The following RAP1A variants were observed in gnomAD, a reference collection of about 807,000 sequenced individuals.
RAP1A encodes RAP1A, member of RAS oncogene family.
RAP1A carries 6 observed loss-of-function variants against 26.4 expected under a neutral mutation model. The ratio of observed to expected loss-of-function variants is 0.23; its 90% CI spans 0.12 to 0.45. RAP1A has a LOEUF of 0.45. Among genes scored for constraint, RAP1A ranks in the 20% least tolerant of loss-of-function variants. The pLI, the probability that RAP1A is intolerant of heterozygous loss-of-function variation, is 0.99. For missense variants in RAP1A, 121 were observed against 217.2 expected, an observed-to-expected ratio of 0.56 and a Z score of 2.78; for synonymous variants, 73 against 79.4, an observed-to-expected ratio of 0.92 and a Z score of 0.43.
At chr1:111,623,375 A>G (rs1659282891) in intron 1 of RAP1A, among the ~76,000 whole-genome samples, 1 of 151,790 alleles carries the variant, frequency 6.6e-6, no homozygotes, top group South Asian at 2.1e-4. Flanking sequence ...TCTGTTTTGT[A>G]TGATGCTTTT....
At chr1:111,624,763 T>C (rs896477193) in intron 1 of RAP1A, among the ~76,000 whole-genome samples, 1 of 152,210 alleles carries the variant, frequency 6.6e-6, no homozygotes, top group Non-Finnish European at 1.5e-5. Flanking sequence ...TTATAAGTGG[T>C]TTAAAAATAA....
chr1:111,563,347 G>A (rs746330593), intron 1 of RAP1A, among the ~76,000 whole-genome samples: 41 of 152,178 alleles, frequency 2.7e-4, no homozygotes, highest in Admixed American at 6.5e-5. Context: ...GCAGCTTACT[G>A]TCTATCTGGG....
chr1:111,592,616 T>A (rs1158387885), intron 1 of RAP1A, among the ~76,000 whole-genome samples: 1 of 152,220 alleles, frequency 6.6e-6, no homozygotes, highest in Admixed American at 6.5e-5. Flanking sequence ...GCAATGACGA[T>A]TCTTTTGGAT....
rs532686311 is a variant in RAP1A, at chr1:111,620,853, A to G, written c.-28+919A>G. ...TGTCTTCAGCCGAGTTGTGTAATTT[A>G]CTGCTACGGGGAGAAGATGAGAGGA... is the stretch of plus-strand genomic sequence containing the variant. On this transcript the variant is annotated intron_variant, in intron 1 of 7. Coordinates refer to ENST00000369709, the MANE Select transcript of RAP1A (RefSeq NM_002884.4). 3.9e-5 allele frequency among the ~76,000 whole-genome samples: 6 copies of G among 152,216 alleles called. No homozygotes were observed. The East Asian group carries it at 5.8e-4, about 15-fold the overall frequency.
intron 1 of RAP1A, among the ~76,000 whole-genome samples, chr1:111,665,285 A>G (rs1660770359): frequency 6.6e-6 from 1 of 152,146 alleles, no homozygotes; most frequent in Non-Finnish European, 1.5e-5. Flanking sequence ...ATACTTTTTC[A>G]TTAGCTTTGG....
upstream of RAP1A, among the ~76,000 whole-genome samples, chr1:111,618,959 T>C (rs1244590372): frequency 1.3e-5 from 2 of 152,246 alleles, no homozygotes; most frequent in Non-Finnish European, 2.9e-5. Flanking sequence ...TCAGCAAGAC[T>C]AACTTTTAAC....
Position 111,563,834 on chromosome 1 carries a change from G to A in RAP1A, c.-28+21325G>A, listed in dbSNP as rs181273653. 153 of 1,607,292 alleles carry A rather than the reference G, an allele frequency of 9.5e-5. No homozygotes were observed. The African/African-American group carries it at 1.6e-3, about 17-fold the overall frequency. ...CTGCCTCCCAGCAGCTATATTTTCT[G>A]CTATGACTCACTGTGACTCAGGACT... On this transcript the variant is annotated intron_variant, in intron 1 of 7. Transcript: ENST00000356415.
chr1:111,704,264 G>A (rs907427585), intron 5 of RAP1A, 79 bp from the exon 6 acceptor site: 1 of 1,454,418 alleles, frequency 6.9e-7, no homozygotes, highest in African/African-American at 1.4e-5. Flanking sequence ...GTTGGTGGCA[G>A]ATAATTGCTT....
intron 1 of RAP1A, among the ~76,000 whole-genome samples, chr1:111,662,381 C>T (rs969300979): frequency 2.6e-5 from 3 of 117,556 alleles, no homozygotes; most frequent in African/African-American, 1.0e-4. Context: ...GGCGAAAGAG[C>T]GAGACTCCAT....
Position 111,704,391 on chromosome 1 carries a change from G to A in RAP1A, c.373G>A (p.Val125Ile), listed in dbSNP as rs1662121895. 6.2e-7 allele frequency: 1 copy of A among 1,613,920 alleles called. No homozygotes were observed. Among genetic ancestry groups the A allele is most frequent in the Non-Finnish European group, 8.5e-7 (1 of 1,179,904 alleles). The change falls in exon 6 of 8, where the codon GTA becomes ATA. Residue 125 changes from valine to isoleucine, a missense_variant. Transcript: ENST00000369709. ...GNKCDLEDER[V>I]VGKEQGQNLA... is the part of the protein sequence containing the mutation. ...TAAATGTGACCTGGAAGATGAGCGAGTAGTTGGCAAAGAGCAGGGCCAGAA... is the reference window on the plus strand; with the variant it reads ...TAAATGTGACCTGGAAGATGAGCGAATAGTTGGCAAAGAGCAGGGCCAGAA...
chr1:111,672,430 C>T (rs531760592), intron 1 of RAP1A, among the ~76,000 whole-genome samples: 7 of 152,288 alleles, frequency 4.6e-5, no homozygotes, highest in Admixed American at 4.6e-4. Flanking sequence ...TAGGGAGTAG[C>T]TCAGCTGGGT....
chr1:111,696,920 T>G (rs1661848933), intron 3 of RAP1A, among the ~76,000 whole-genome samples: 1 of 152,188 alleles, frequency 6.6e-6, no homozygotes, highest in African/African-American at 2.4e-5. Flanking sequence ...CTCCTGTGTT[T>G]CTTTTATGTC....
chr1:111,627,676 G>T (rs966652963), intron 1 of RAP1A: 3 of 151,502 alleles, frequency 2.0e-5, no homozygotes, highest in African/African-American at 7.3e-5. Flanking sequence ...GTGTATGAAA[G>T]AAATTTGCAA....
intron 1 of RAP1A, among the ~76,000 whole-genome samples, chr1:111,688,822 G>GTTTTTTTTTTTT (rs767753356): frequency 2.1e-4 from 19 of 90,046 alleles, no homozygotes; most frequent in Non-Finnish European, 3.5e-4. Flanking sequence ...TTTTTTTTTT[G>GTTTTTTTTTTTT]TTTTTTTTTT....
chr1:111,656,265 G>T (rs1400238309), intron 1 of RAP1A, among the ~76,000 whole-genome samples: 1 of 152,100 alleles, frequency 6.6e-6, no homozygotes, highest in Non-Finnish European at 1.5e-5. Context: ...ACAAGACTCA[G>T]AATTGCAACA....
chr1:111,627,660 A>G (rs958116103), intron 1 of RAP1A: 8 of 152,072 alleles, frequency 5.3e-5, no homozygotes, highest in Admixed American at 4.6e-4. Flanking sequence ...CTGTAAAACC[A>G]TCATAGTGTA....
intron 4 of RAP1A, among the ~76,000 whole-genome samples, chr1:111,699,392 T>G (rs1661942414): frequency 6.6e-6 from 1 of 151,826 alleles, no homozygotes; most frequent in Non-Finnish European, 1.5e-5. Context: ...GTATAATACC[T>G]CTCTAATCTA....
intron 1 of RAP1A, among the ~76,000 whole-genome samples, chr1:111,659,124 A>C (rs2101153258): frequency 6.6e-6 from 1 of 152,296 alleles, no homozygotes; most frequent in East Asian, 1.9e-4. Flanking sequence ...ATCTCTGTAC[A>C]GTAGTCCCCA....
intron 1 of RAP1A, among the ~76,000 whole-genome samples, chr1:111,598,272 T>G (rs993259714): frequency 3.3e-5 from 5 of 152,252 alleles, no homozygotes; most frequent in Non-Finnish European, 5.9e-5. Flanking sequence ...GTCTTTTTTA[T>G]ATACGTTAAC....
Sources: allele counts gnomAD v4.1 joint callset (sites outside exome capture counted in the v4.1 genomes callset), GRCh38; gene constraint gnomAD v4.1.1; transcripts MANE v1.5; gene names NCBI Gene and HGNC (gene_info 2026-07-23, HGNC 2026-07-21).